The following PARN variants were observed in gnomAD, a reference collection of about 807,000 sequenced individuals.
PARN encodes poly(A)-specific ribonuclease.
A neutral mutation model predicts 102.8 loss-of-function variants in PARN; 71 were observed. The observed-to-expected ratio is 0.69, with a 90% CI of 0.57 to 0.84. The LOEUF (loss-of-function observed/expected upper bound fraction) is 0.84. PARN is among the 40% of genes least tolerant of loss of function. The pLI, the probability that PARN is intolerant of heterozygous loss-of-function variation, is 0.00. For synonymous variants in PARN, 261 were observed against 252.9 expected, an observed-to-expected ratio of 1.03 and a Z score of -0.30; for missense variants, 782 against 760.9, an observed-to-expected ratio of 1.03 and a Z score of -0.33.
At chr16:14,575,881 A>C (rs1969102107) in intron 18 of PARN, among the ~76,000 whole-genome samples, 1 of 152,140 alleles carries the variant, frequency 6.6e-6, no homozygotes, top group Non-Finnish European at 1.5e-5. Flanking sequence ...GAGGTGATAC[A>C]ATTATGGGGC....
At chr16:14,489,506 C>A (rs979408986) in intron 21 of PARN, among the ~76,000 whole-genome samples, 4 of 151,662 alleles carry the variant, frequency 2.6e-5, no homozygotes, top group African/African-American at 9.7e-5. Context: ...TACTAAAGGC[C>A]ATTTCCAATA....
At chr16:14,498,575 TCAC>T (rs759104540) in intron 21 of PARN, among the ~76,000 whole-genome samples, 2 of 151,992 alleles carry the variant, frequency 1.3e-5, no homozygotes, top group Non-Finnish European at 2.9e-5. Flanking sequence ...ACACGATCTG[TCAC>T]CACCAAGAAG....
At chr16:14,497,740 G>A (rs574040260) in intron 21 of PARN, among the ~76,000 whole-genome samples, 68 of 149,244 alleles carry the variant, frequency 4.6e-4, no homozygotes, top group Admixed American at 1.5e-3. Flanking sequence ...CTGCTGGGCT[G>A]CACTATTTAC....
At chr16:14,519,613 G>A (rs905432995) in intron 21 of PARN, among the ~76,000 whole-genome samples, 1 of 152,082 alleles carries the variant, frequency 6.6e-6, no homozygotes, top group African/African-American at 2.4e-5. Context: ...GTTCTGATTT[G>A]CAACACTGGG....
rs117463361 is a variant in PARN at position 14,528,951 on chromosome 16, G to A, written c.1480+23070C>T. Among the ~76,000 whole-genome samples, 5 of 152,194 alleles carry A rather than the reference G, an allele frequency of 3.3e-5. No homozygotes were observed. In the South Asian group the frequency reaches 6.2e-4, roughly 19 times the overall value. On this transcript the variant is annotated intron_variant, in intron 21 of 23. Coordinates refer to ENST00000437198, the MANE Select transcript of PARN (RefSeq NM_002582.4). ...GTAGAGATCTTTCCCTGCAAGAAAC[G>A]AGAGAAAAAACATTTTCTCTTTACA...
chr16:14,614,467 C>G (rs533945267), intron 6 of PARN, among the ~76,000 whole-genome samples: 1 of 152,222 alleles, frequency 6.6e-6, no homozygotes, highest in Admixed American at 6.5e-5. Context: ...CACACCAAAG[C>G]CAAGGCTAAG....
chr16:14,473,355 T>C (rs1293240324), intron 22 of PARN, among the ~76,000 whole-genome samples: 1 of 152,226 alleles, frequency 6.6e-6, no homozygotes, highest in Non-Finnish European at 1.5e-5. Flanking sequence ...ACTTATAAGA[T>C]CTACATTGAA....
chr16:14,586,982 G>T (rs1177588311), intron 13 of PARN, among the ~76,000 whole-genome samples: 1 of 152,186 alleles, frequency 6.6e-6, no homozygotes, highest in East Asian at 1.9e-4. Context: ...TTTTGATCAG[G>T]AAGTCTAGAG....
intron 13 of PARN, among the ~76,000 whole-genome samples, chr16:14,586,854 AT>A (rs1427252567): frequency 6.6e-6 from 1 of 152,176 alleles, no homozygotes. Context: ...GTTAGTAAAA[AT>A]GGCCTTGGAA....
chr16:14,437,885 G>A lies in PARN; in HGVS notation c.1865-1113C>T, dbSNP rs865854290. On this transcript the variant is annotated intron_variant, in intron 23 of 23. Transcript: ENST00000437198. ...AGTAACAGGGATGCTTAAAAATAAC[G>A]AGGTCTGAACACAAGAAAAAACATG... Among the ~76,000 whole-genome samples, 4 of 152,264 alleles carry A rather than the reference G, an allele frequency of 2.6e-5. No individual in the cohort carries two copies. The South Asian group carries it at 6.2e-4, about 24-fold the overall frequency.
intron 21 of PARN, among the ~76,000 whole-genome samples, chr16:14,522,628 G>C (rs973423100): frequency 1.2e-4 from 19 of 152,122 alleles, no homozygotes; most frequent in African/African-American, 4.1e-4. Flanking sequence ...CAGGTACAGG[G>C]GACAATATCC....
chr16:14,604,511 T>C (rs980721322), intron 10 of PARN, among the ~76,000 whole-genome samples: 1 of 152,154 alleles, frequency 6.6e-6, no homozygotes, highest in African/African-American at 2.4e-5. Context: ...TCCACCCGCC[T>C]CAGTCTCCCA....
chr16:14,630,108 G>A lies in PARN; in HGVS notation c.18C>T (p.Ser6=). 1 of 1,561,364 alleles carries A rather than the reference G, an allele frequency of 6.4e-7. No individual in the cohort carries two copies. The change falls in exon 1 of 24, where the codon AGC becomes AGT. Residue 6 remains serine (S), a splice_region_variant and synonymous_variant. Transcript: ENST00000437198. Reference sequence around the variant, plus strand: ...GGGAGGTGTACGGCGGACACGCACTGCTCCTGATTATCTCCATTCTGCAGA... The same window carrying A: ...GGGAGGTGTACGGCGGACACGCACTACTCCTGATTATCTCCATTCTGCAGA... MEIIR[S]NFKSNLHKVY...
intron 20 of PARN, 147 bp from the exon 21 acceptor site, chr16:14,552,242 A>T (rs1023708032): frequency 3.4e-6 from 2 of 589,804 alleles, no homozygotes; most frequent in African/African-American, 3.7e-5. Context: ...TCTCAGCCCT[A>T]CAGAGAGTTA....
chr16:14,583,992 C>T (rs976347956), intron 16 of PARN, among the ~76,000 whole-genome samples: 1 of 152,156 alleles, frequency 6.6e-6, no homozygotes, highest in Non-Finnish European at 1.5e-5. Flanking sequence ...TTTTACTCTA[C>T]CCCTGGTGAT....
intron 22 of PARN, among the ~76,000 whole-genome samples, chr16:14,456,296 AG>A (rs1961675807): frequency 1.3e-5 from 2 of 151,880 alleles, no homozygotes; most frequent in Admixed American, 1.3e-4. Context: ...CTACCTCCTG[AG>A]TAGCTGGGAC....
At chr16:14,439,420 CA>C (rs1960851876) in intron 23 of PARN, among the ~76,000 whole-genome samples, 1 of 71,642 alleles carries the variant, frequency 1.4e-5, no homozygotes, top group Non-Finnish European at 2.6e-5. Flanking sequence ...GGAAAGAAGA[CA>C]GGGAGGGAGG....
chr16:14,538,306 C>A (rs1966702042), intron 21 of PARN, among the ~76,000 whole-genome samples: 1 of 150,714 alleles, frequency 6.6e-6, no homozygotes, highest in Non-Finnish European at 1.5e-5. Flanking sequence ...ACAACCTTTG[C>A]CCCACGGGTT....
At chr16:14,556,043 C>G (rs959902084) in intron 18 of PARN, among the ~76,000 whole-genome samples, 1 of 151,852 alleles carries the variant, frequency 6.6e-6, no homozygotes, top group East Asian at 1.9e-4. Flanking sequence ...CCATGTTGGC[C>G]AGGCTGGTCT....
Sources: gnomAD v4.1 joint callset for allele counts (sites outside exome capture counted in the v4.1 genomes callset) on GRCh38, gnomAD v4.1.1 for gene constraint, MANE v1.5 for transcripts, NCBI Gene and HGNC (gene_info 2026-07-23, HGNC 2026-07-21) for gene names.